The following SDK1 variants were observed in gnomAD, a reference collection of about 807,000 sequenced individuals.
SDK1 encodes protein sidekick-1.
A neutral mutation model predicts 245.5 loss-of-function variants in SDK1; 157 were observed. The observed-to-expected ratio is 0.64, with a 90% CI of 0.56 to 0.73. The LOEUF (loss-of-function observed/expected upper bound fraction) is 0.73. Among genes scored for constraint, SDK1 ranks in the 30% least tolerant of loss-of-function variants. The pLI is 0.00. For missense variants in SDK1, 3,583 were observed against 3,002.3 expected (o/e 1.19, Z -4.52); for synonymous variants, 1,647 against 1,278.5 (o/e 1.29, Z -6.15).
At chr7:3,459,646 T>C (rs1780775181) in intron 1 of SDK1, among the ~76,000 whole-genome samples, 1 of 152,224 alleles carries the variant, frequency 6.6e-6, no homozygotes, top group Non-Finnish European at 1.5e-5. Context: ...AAAATGCTTT[T>C]CTAAGTCCCC....
At chr7:3,413,487 G>T (rs1314528492) in intron 1 of SDK1, among the ~76,000 whole-genome samples, 1 of 152,176 alleles carries the variant, frequency 6.6e-6, no homozygotes, top group African/African-American at 2.4e-5. Flanking sequence ...TTGAGGTCAA[G>T]AGTTTGAGAC....
At chr7:4,228,732 G>T (rs1356947061) in intron 40 of SDK1, among the ~76,000 whole-genome samples, 1 of 152,152 alleles carries the variant, frequency 6.6e-6, no homozygotes, top group East Asian at 1.9e-4. Flanking sequence ...TAGAGACGGG[G>T]TTTCACCATG....
Position 4,110,651 on chromosome 7 carries a change from C to T in SDK1, c.3325-12C>T. On this transcript the variant is annotated splice_polypyrimidine_tract_variant and intron_variant, in intron 22 of 44. Coordinates refer to ENST00000404826, the MANE Select transcript of SDK1 (RefSeq NM_152744.4). ...GCATGTCCAGCCCATCTCAGTGTCT[C>T]CCTCTGCACAGGTGGGAGCTATCGG... is the stretch of plus-strand genomic sequence containing the variant. 1.3e-6 allele frequency: 2 copies of T among 1,586,950 alleles called. No individual in the cohort carries two copies. Among genetic ancestry groups the T allele is most frequent in the Non-Finnish European group, 8.7e-7 (1 of 1,156,066 alleles).
rs575672236 is a variant in SDK1 at position 3,947,634 on chromosome 7, GTATC to G, written c.848-3285_848-3282del. On this transcript the variant is annotated intron_variant, in intron 5 of 44. Transcript: ENST00000404826. Reference sequence around the variant, plus strand: ...TAAAAATACATATATATCTATATGTGTATCTATATCTGTTGCTTAAAAATATCTG... The same window carrying G: ...TAAAAATACATATATATCTATATGTGTATATCTGTTGCTTAAAAATATCTG... Among the ~76,000 whole-genome samples the G allele has an allele frequency of 2.0e-5, 3 of 150,474 alleles. No homozygotes were observed. The South Asian group carries it at 6.3e-4, about 31-fold the overall frequency.
chr7:3,613,931 C>G (rs1036337677), intron 1 of SDK1, among the ~76,000 whole-genome samples: 3 of 152,146 alleles, frequency 2.0e-5, no homozygotes, highest in Non-Finnish European at 2.9e-5. Flanking sequence ...GATGAGAACA[C>G]ATGGACACAG....
At chr7:4,216,255 A>T (rs1488398925) in intron 38 of SDK1, among the ~76,000 whole-genome samples, 1 of 152,160 alleles carries the variant, frequency 6.6e-6, no homozygotes, top group Non-Finnish European at 1.5e-5. Flanking sequence ...GAAGGCAACG[A>T]CTGGGAAAAA....
intron 1 of SDK1, among the ~76,000 whole-genome samples, chr7:3,506,211 T>G (rs1424965895): frequency 1.3e-5 from 2 of 152,172 alleles, no homozygotes; most frequent in East Asian, 3.8e-4. Context: ...GAAAAAAATT[T>G]TGGTACTATT....
chr7:3,962,026 C>T (rs1381552760), intron 8 of SDK1, among the ~76,000 whole-genome samples: 5 of 152,108 alleles, frequency 3.3e-5, no homozygotes, highest in African/African-American at 9.7e-5. Flanking sequence ...CACGTAGACA[C>T]ATGCACATAT....
intron 1 of SDK1, among the ~76,000 whole-genome samples, chr7:3,334,617 A>G (rs1467770038): frequency 1.3e-5 from 2 of 152,198 alleles, no homozygotes; most frequent in Admixed American, 1.3e-4. Context: ...ACATGGCACC[A>G]TTCTTCACTT....
At chr7:3,685,989 T>C (rs1390841008) in intron 4 of SDK1, among the ~76,000 whole-genome samples, 2 of 152,284 alleles carry the variant, frequency 1.3e-5, no homozygotes, top group East Asian at 3.9e-4. Flanking sequence ...CCTAATAATA[T>C]ACTGTCTACA....
At chr7:3,508,252 C>G (rs1782458049) in intron 1 of SDK1, among the ~76,000 whole-genome samples, 1 of 151,510 alleles carries the variant, frequency 6.6e-6, no homozygotes, top group African/African-American at 2.4e-5. Flanking sequence ...CCCTGAAGCT[C>G]TCAAAAGTAT....
At chr7:3,926,706 G>A (rs1003040037) in intron 5 of SDK1, among the ~76,000 whole-genome samples, 4 of 152,120 alleles carry the variant, frequency 2.6e-5, no homozygotes, top group Non-Finnish European at 5.9e-5. Flanking sequence ...ATCCCTTAAA[G>A]CCCAGGCTGT....
At chr7:3,558,518 G>A (rs1031346835) in intron 1 of SDK1, among the ~76,000 whole-genome samples, 1 of 152,206 alleles carries the variant, frequency 6.6e-6, no homozygotes, top group Non-Finnish European at 1.5e-5. Context: ...CACTTTTCCA[G>A]TCACTGGGCA....
intron 1 of SDK1, among the ~76,000 whole-genome samples, chr7:3,600,750 G>C (rs1156590287): frequency 6.6e-6 from 1 of 151,762 alleles, no homozygotes; most frequent in Non-Finnish European, 1.5e-5. Context: ...GGGTTTCACC[G>C]TGTTAGCCAG....
chr7:3,633,475 C>G (rs1409529169), intron 2 of SDK1, among the ~76,000 whole-genome samples: 1 of 152,026 alleles, frequency 6.6e-6, no homozygotes, highest in Non-Finnish European at 1.5e-5. Flanking sequence ...TAGATGTTTT[C>G]TAAAATTTTA....
At chr7:3,378,443 G>A (rs991315824) in intron 1 of SDK1, among the ~76,000 whole-genome samples, 1 of 152,138 alleles carries the variant, frequency 6.6e-6, no homozygotes, top group Admixed American at 6.5e-5. Context: ...GTTTCTTCGA[G>A]CATATTCACT....
At chr7:3,871,938 G>C (rs897710890) in intron 5 of SDK1, among the ~76,000 whole-genome samples, 3 of 152,186 alleles carry the variant, frequency 2.0e-5, no homozygotes, top group Admixed American at 6.5e-5. Context: ...TTAGCTATAT[G>C]TATTTTGTGG....
intron 1 of SDK1, among the ~76,000 whole-genome samples, chr7:3,491,579 T>C (rs140710857): frequency 1.3e-5 from 2 of 152,202 alleles, no homozygotes; most frequent in African/African-American, 4.8e-5. Context: ...AATTACCTAT[T>C]TTGCCTGATG....
At chr7:4,116,631 A>C (rs1419978504) in intron 25 of SDK1, among the ~76,000 whole-genome samples, 18 of 152,248 alleles carry the variant, frequency 1.2e-4, no homozygotes, top group Non-Finnish European at 2.9e-5. Flanking sequence ...TTCAGCCACC[A>C]GCACCAAGCC....
Sources: gnomAD v4.1 joint callset for allele counts (sites outside exome capture counted in the v4.1 genomes callset) on GRCh38, gnomAD v4.1.1 for gene constraint, MANE v1.5 for transcripts, NCBI Gene and HGNC (gene_info 2026-07-23, HGNC 2026-07-21) for gene names.